ADAMTS9: variants seen among roughly 807,000 people sequenced by gnomAD.
The protein encoded by ADAMTS9 is A disintegrin and metalloproteinase with thrombospondin motifs 9.
ADAMTS9 carries 107 observed loss-of-function variants against 257.1 expected under a neutral mutation model. That is an observed-to-expected ratio of 0.42 (90% CI 0.36 to 0.49). The LOEUF (loss-of-function observed/expected upper bound fraction) is 0.49, where lower values mean the gene tolerates loss of function less well. ADAMTS9 is among the 20% of genes least tolerant of loss of function. The pLI, the probability that ADAMTS9 is intolerant of heterozygous loss-of-function variation, is 0.03. For missense variants in ADAMTS9, 2,353 were observed against 2,469.1 expected (o/e 0.95, Z 1.00); for synonymous variants, 982 against 880.9 (o/e 1.11, Z -2.03).
At chr3:64,620,731 G>T (rs920211650) in intron 19 of ADAMTS9, among the ~76,000 whole-genome samples, 1 of 151,892 alleles carries the variant, frequency 6.6e-6, no homozygotes, top group South Asian at 2.1e-4. Flanking sequence ...ATACACTCTC[G>T]GTAGATATAG....
chr3:64,541,772 A>C (rs577935112), intron 33 of ADAMTS9, 66 bp downstream of exon 33: 5 of 1,596,004 alleles, frequency 3.1e-6, no homozygotes, highest in Non-Finnish European at 3.4e-6. Context: ...AAGGGCAGGC[A>C]ATCAAATGAA....
At chr3:64,519,147 C>T (rs2082819191) in intron 39 of ADAMTS9, among the ~76,000 whole-genome samples, 2 of 152,104 alleles carry the variant, frequency 1.3e-5, no homozygotes. Flanking sequence ...AATAGCAGCT[C>T]CTCCACACAG....
At chr3:64,571,357 C>T (rs898569688) in intron 28 of ADAMTS9, among the ~76,000 whole-genome samples, 3 of 152,124 alleles carry the variant, frequency 2.0e-5, no homozygotes, top group Admixed American at 1.3e-4. Context: ...ATAGTGCTTC[C>T]CACATGACTT....
chr3:64,608,109 TG>T (rs2084591069), intron 22 of ADAMTS9, among the ~76,000 whole-genome samples: 1 of 151,600 alleles, frequency 6.6e-6, no homozygotes, highest in Admixed American at 6.6e-5. Context: ...TAAGAAAATT[TG>T]TGAGATGCAA....
intron 30 of ADAMTS9, among the ~76,000 whole-genome samples, chr3:64,555,460 C>G (rs1358265458): frequency 6.6e-6 from 1 of 152,130 alleles, no homozygotes; most frequent in Non-Finnish European, 1.5e-5. Context: ...TGGCTTCGTA[C>G]CCTGTCTCTC....
chr3:64,564,090 C>T (rs1205414994), intron 29 of ADAMTS9, among the ~76,000 whole-genome samples: 4 of 152,192 alleles, frequency 2.6e-5, no homozygotes, highest in Admixed American at 6.5e-5. Context: ...CTGTTCAGTA[C>T]ACCTTTTAGT....
chr3:64,596,711 C>G (rs879215973), intron 27 of ADAMTS9, 119 bp downstream of exon 27: 1 of 1,233,428 alleles, frequency 8.1e-7, no homozygotes, highest in Non-Finnish European at 1.1e-6. Flanking sequence ...CCTAGTTAAT[C>G]CCCACCCCAG....
intron 11 of ADAMTS9, among the ~76,000 whole-genome samples, chr3:64,647,592 G>A (rs1700829322): frequency 6.6e-6 from 1 of 152,146 alleles, no homozygotes; most frequent in East Asian, 1.9e-4. Context: ...TAGCTTTCCA[G>A]TGCCATCCCC....
intron 26 of ADAMTS9, among the ~76,000 whole-genome samples, chr3:64,601,066 T>A (rs887711013): frequency 2.0e-5 from 3 of 152,332 alleles, no homozygotes; most frequent in Non-Finnish European, 4.4e-5. Flanking sequence ...TATTTTTTTT[T>A]AATTATTTAG....
At position 64,686,369 on chromosome 3, in the gene ADAMTS9, G is replaced by A. The variant is rs950593431; in HGVS notation, c.516+199C>T. ...GAAACATCCAGAAGCCCCTGGGGGC[G>A]GGTGTGTGCGCTCCACGCCAGTGTA... On this transcript the variant is annotated intron_variant, in intron 2 of 39. Transcript: ENST00000498707. This position sits in a 1 kb window ranked among gnomAD's most constrained non-coding sequence, Gnocchi z 4.6. 2.0e-5 allele frequency among the ~76,000 whole-genome samples: 3 copies of A among 152,362 alleles called. No homozygotes were observed. Among genetic ancestry groups the A allele is most frequent in the African/African-American group, 2.4e-5 (1 of 41,582 alleles).
intron 39 of ADAMTS9, among the ~76,000 whole-genome samples, chr3:64,517,428 T>TTTTTG (rs1269911694): frequency 1.5e-5 from 2 of 130,692 alleles, no homozygotes; most frequent in African/African-American, 5.4e-5. Context: ...TTTTTTTTTT[T>TTTTTG]TTTTTTTTTT....
rs1043684215 is a variant in ADAMTS9 at position 64,604,300 on chromosome 3, G to C, written c.3506C>G (p.Pro1169Arg). The change falls in exon 24 of 40, where the codon CCA becomes CGA. Residue 1169 changes from proline (P) to arginine (R), a missense_variant. Pro to Arg is a moderately radical substitution (Grantham distance 103). Around this residue, in one of 3 missense-constraint regions of ADAMTS9, gnomAD observed 1,402 missense variants for 1,441.4 expected, o/e 0.97. Transcript: ENST00000498707. Reference protein sequence around the residue: ...DCELPSCHPPPAAPETRRSTY... With the variant: ...DCELPSCHPPRAAPETRRSTY... ...GCTTCTCCTCGTTTCCGGGGCAGCTGGGGGAGGATGACATGATGGTAATTC... is the reference window on the plus strand; with the variant it reads ...GCTTCTCCTCGTTTCCGGGGCAGCTCGGGGAGGATGACATGATGGTAATTC... The C allele has an allele frequency of 2.5e-6, 4 of 1,612,680 alleles. No homozygotes were observed. Among genetic ancestry groups the C allele is most frequent in the Non-Finnish European group, 3.4e-6 (4 of 1,179,458 alleles).
At chr3:64,606,912 T>G in intron 23 of ADAMTS9, 48 bp downstream of exon 23, 1 of 1,608,918 alleles carries the variant, frequency 6.2e-7, no homozygotes, top group Non-Finnish European at 8.5e-7. Flanking sequence ...GGCAGTTTGG[T>G]ACCTTGGTCC....
intron 22 of ADAMTS9, among the ~76,000 whole-genome samples, chr3:64,610,239 A>G (rs759911100): frequency 6.6e-5 from 10 of 152,264 alleles, no homozygotes; most frequent in Non-Finnish European, 1.5e-4. Flanking sequence ...CAAGGGCAAC[A>G]GAAAATAGAC....
At chr3:64,542,285 T>C (rs1257631655) in intron 32 of ADAMTS9, among the ~76,000 whole-genome samples, 1 of 152,146 alleles carries the variant, frequency 6.6e-6, no homozygotes, top group Non-Finnish European at 1.5e-5. Context: ...TGAGATAGTA[T>C]TACCATTATC....
chr3:64,680,829 CA>C (rs541902754), intron 3 of ADAMTS9, among the ~76,000 whole-genome samples: 18 of 149,914 alleles, frequency 1.2e-4, no homozygotes, highest in South Asian at 8.5e-4. Flanking sequence ...CAGAAGATGC[CA>C]AAAAAAAATA....
At position 64,687,526 on chromosome 3, in the gene ADAMTS9, G is replaced by A; in HGVS notation, c.115+17C>T. 2 of 1,517,572 alleles carry A rather than the reference G, an allele frequency of 1.3e-6. No individual in the cohort carries two copies. The highest frequency in any genetic ancestry group is 1.2e-5 in the South Asian group (1 of 80,426). The allele number at this position is 1,517,572 out of a possible 1,614,324, so 94.0% of individuals were successfully genotyped here. The stretch of plus-strand genomic sequence containing the variant: ...GCGTCGGGGCCGGCGGGGTCCCGGG[G>A]GCCGGAGCCTGGTTACCTTGCCTCG... On this transcript the variant is annotated intron_variant, in intron 1 of 39. Transcript: ENST00000498707. The surrounding 1 kb of genome is among the most constrained non-coding windows in gnomAD (Gnocchi z 4.4).
intron 3 of ADAMTS9, among the ~76,000 whole-genome samples, chr3:64,679,595 C>G (rs1414813248): frequency 6.6e-6 from 1 of 152,048 alleles, no homozygotes; most frequent in African/African-American, 2.4e-5. Context: ...AGAAGAATAT[C>G]ATGAAGTGTC....
intron 3 of ADAMTS9, among the ~76,000 whole-genome samples, chr3:64,679,670 T>C (rs923236112): frequency 2.0e-5 from 3 of 152,202 alleles, no homozygotes; most frequent in Non-Finnish European, 4.4e-5. Context: ...ACTAATAAGA[T>C]GGAAGGAGGG....
Sources: gnomAD v4.1 joint callset for allele counts (sites outside exome capture counted in the v4.1 genomes callset) on GRCh38, gnomAD v4.1.1 for gene constraint, gnomAD v4.1.1 regional missense constraint, Gnocchi (gnomAD v3.1) non-coding constraint, MANE v1.5 for transcripts, NCBI Gene and HGNC (gene_info 2026-07-23, HGNC 2026-07-21) for gene names.